The following KCNH4 variants were observed in gnomAD, a reference collection of about 807,000 sequenced individuals.
KCNH4 encodes voltage-gated delayed rectifier potassium channel KCNH4.
Under a neutral mutation model 90.7 loss-of-function variants are expected in KCNH4, and 33 were observed. The observed-to-expected ratio is 0.36, with a 90% confidence interval of 0.28 to 0.49. The LOEUF (loss-of-function observed/expected upper bound fraction) is 0.49, where lower values mean the gene tolerates loss of function less well. Ranked by LOEUF, KCNH4 falls within the 20% of genes least tolerant of loss-of-function variation. The pLI is 0.98. For missense variants in KCNH4, 1,044 were observed against 1,387.1 expected (o/e 0.75, Z 3.93); for synonymous variants, 551 against 581.7 (o/e 0.95, Z 0.76).
intron 5 of KCNH4, 39 bp downstream of exon 5, chr17:42,176,015 C>T (rs200529393): frequency 1.4e-4 from 215 of 1,562,050 alleles, no homozygotes; most frequent in Non-Finnish European, 1.8e-4. Context: ...TGGATCCCCC[C>T]AGCCGACCCA....
At chr17:42,168,202 C>T (rs1237996439) in intron 9 of KCNH4, among the ~76,000 whole-genome samples, 1 of 152,204 alleles carries the variant, frequency 6.6e-6, no homozygotes, top group African/African-American at 2.4e-5. Flanking sequence ...CTGGGTCTCC[C>T]TGAGGGCCAG....
intron 4 of KCNH4, among the ~76,000 whole-genome samples, chr17:42,177,655 G>A (rs934207918): frequency 2.6e-5 from 4 of 152,174 alleles, no homozygotes; most frequent in Non-Finnish European, 4.4e-5. Flanking sequence ...ATAGCCCACC[G>A]CATTCCCTGT....
Position 42,170,121 on chromosome 17 carries a change from G to A in KCNH4, c.1376C>T (p.Thr459Met), listed in dbSNP as rs368992196. The A allele has an allele frequency of 1.7e-4, 281 of 1,609,612 alleles. No homozygotes were observed. The highest frequency in any genetic ancestry group is 2.2e-4 in the East Asian group (10 of 44,796). Reference sequence around the variant, plus strand: ...TCTGGCCTCACCGCCTATGAGCATCGTGCAGATGGAGAAGATCTTCTCCGC... The same window carrying A: ...TCTGGCCTCACCGCCTATGAGCATCATGCAGATGGAGAAGATCTTCTCCGC... Reference protein sequence around the residue: ...TDAEKIFSICTMLIGALMHAV... With the variant: ...TDAEKIFSICMMLIGALMHAV... Residue 459 changes from threonine to methionine, a missense_variant, in exon 8 of 17, where the codon ACG becomes ATG. Around this residue, in one of 4 missense-constraint regions of KCNH4, gnomAD observed 318 missense variants for 479.6 expected, o/e 0.66. Coordinates refer to ENST00000264661, the MANE Select transcript of KCNH4 (RefSeq NM_012285.3).
At position 42,176,053 on chromosome 17, in the gene KCNH4, C is replaced by T; in HGVS notation, c.829+1G>A. The T allele has an allele frequency of 6.2e-7, 1 of 1,600,074 alleles. No homozygotes were observed. The highest frequency in any genetic ancestry group is 8.5e-7 in the Non-Finnish European group (1 of 1,171,066). ...AGGGTGGGTGAGGCAGAAGGTCTGA[C>T]CTAGGATGAAGAGCATTTCCACGGC... On this transcript the variant is annotated splice_donor_variant, in intron 5 of 16. Transcript: ENST00000264661. LOFTEE classifies it high-confidence loss of function.
rs746688693 is a variant in KCNH4, at chr17:42,169,678, T to TGCA, written c.1391-5_1391-3dup. On this transcript the variant is annotated splice_polypyrimidine_tract_variant and splice_region_variant and intron_variant, in intron 8 of 16. Coordinates refer to ENST00000264661, the MANE Select transcript of KCNH4 (RefSeq NM_012285.3). ...CGAACACCACAGCGTGCATCAGGGC[T>TGCA]GCAGCAGCAGCAGCGGGCCTGTCAG... The TGCA allele has an allele frequency of 6.2e-6, 10 of 1,612,044 alleles. No individual in the cohort carries two copies. The highest frequency in any genetic ancestry group is 2.2e-5 in the East Asian group (1 of 44,846).
At chr17:42,173,593 T>C (rs1388125419) in intron 6 of KCNH4, among the ~76,000 whole-genome samples, 2 of 151,692 alleles carry the variant, frequency 1.3e-5, no homozygotes, top group Non-Finnish European at 2.9e-5. Context: ...CCAGTGGTAT[T>C]CCTCATCTCA....
chr17:42,162,767 A>G (rs1185049349), intron 14 of KCNH4, among the ~76,000 whole-genome samples: 1 of 151,572 alleles, frequency 6.6e-6, no homozygotes, highest in African/African-American at 2.4e-5. Flanking sequence ...TAATTTTTGT[A>G]TTTTTAGTAG....
At chr17:42,168,465 G>A (rs755233959) in intron 9 of KCNH4, among the ~76,000 whole-genome samples, 2 of 152,148 alleles carry the variant, frequency 1.3e-5, no homozygotes, top group Non-Finnish European at 2.9e-5. Context: ...CCAACATGGT[G>A]AAACCCCGTC....
chr17:42,176,916 A>C (rs868771445), intron 4 of KCNH4, among the ~76,000 whole-genome samples: 4 of 151,916 alleles, frequency 2.6e-5, no homozygotes, highest in Admixed American at 6.6e-5. Context: ...AAGTTTAGAG[A>C]CAGTCTCACT....
chr17:42,163,653 A>G lies in KCNH4; in HGVS notation c.2430T>C (p.Leu810=). Residue 810 remains leucine (L), a synonymous_variant, in exon 13 of 17, where the codon CTT becomes CTC. Transcript: ENST00000264661. The surrounding 1 kb of genome is among the most constrained non-coding windows in gnomAD (Gnocchi z 5.4). The part of the protein sequence containing the change: ...RCSAAWKPPQ[L]LIPPLGTFGP... ...CAAAGGTTCCCAGTGGGGGAATGAG[A>G]AGCTGAGGGGGCTTCCAGGCAGCAG... 6.6e-7 allele frequency: 1 copy of G among 1,504,346 alleles called. No individual in the cohort carries two copies. Among genetic ancestry groups the G allele is most frequent in the Non-Finnish European group, 8.9e-7 (1 of 1,125,926 alleles). The allele number at this position is 1,504,346 out of a possible 1,614,324, so 93.2% of individuals were successfully genotyped here.
At position 42,163,705 on chromosome 17, in the gene KCNH4, G is replaced by C; in HGVS notation, c.2378C>G (p.Ala793Gly). The part of the protein sequence containing the change: ...SPALAGQGHS[A>G]SPHGPPRCSA... ...GCACCTGGGGGGGCCGTGAGGGGAG[G>C]CACTGTGGCCCTGGCCAGCCAGGGC... Residue 793 changes from alanine to glycine, a missense_variant, in exon 13 of 17, where the codon GCC (alanine) becomes GGC (glycine). Physicochemically the swap from Ala to Gly is moderately conservative, Grantham distance 60. This residue lies in a region of KCNH4 where 441 missense variants were observed against 512.3 expected (regional missense o/e 0.86). Coordinates refer to ENST00000264661, the MANE Select transcript of KCNH4 (RefSeq NM_012285.3). The surrounding 1 kb of genome is among the most constrained non-coding windows in gnomAD (Gnocchi z 5.4). 1 of 1,517,288 alleles carries C rather than the reference G, an allele frequency of 6.6e-7. No homozygotes were observed. Among genetic ancestry groups the C allele is most frequent in the Non-Finnish European group, 8.8e-7 (1 of 1,135,020 alleles). 94.0% of individuals were successfully genotyped at this position (1,517,288 alleles called of 1,614,324 possible).
chr17:42,157,339 C>T (rs369707577), intron 16 of KCNH4, among the ~76,000 whole-genome samples: 2 of 152,088 alleles, frequency 1.3e-5, no homozygotes, highest in South Asian at 2.1e-4. Flanking sequence ...TGAGCCTCCG[C>T]GCCTGGCAGA....
rs754131743 is a variant in KCNH4 at position 42,178,206 on chromosome 17, C to A, written c.479G>T (p.Gly160Val). The A allele has an allele frequency of 1.4e-5, 22 of 1,614,070 alleles. No individual in the cohort carries two copies. The East Asian group carries it at 4.7e-4, about 34-fold the overall frequency. Residue 160 changes from glycine (G) to valine (V), a missense_variant, in exon 4 of 17, where the codon GGA (glycine) becomes GTA (valine). Transcript: ENST00000264661. ...GGCAGACCGAAATTTCCAGGTGGCT[C>A]CCCTTCTACCAAGGGAGTTTTCTGT... ...SNHENSLGRR[G>V]ATWKFRSARR...
Position 42,166,397 on chromosome 17 carries a change from G to T in KCNH4, c.1740C>A (p.Gly580=), listed in dbSNP as rs2079788093. ...CATCCCCACGGCGCAACAGGTACTC[G>T]CCCGGAGCGCAGAACGAGGTCTTGA... ...LHIKTSFCAP[G]EYLLRRGDAL... Residue 580 remains glycine, a synonymous_variant, in exon 10 of 17, where the codon GGC becomes GGA. Coordinates refer to ENST00000264661, the MANE Select transcript of KCNH4 (RefSeq NM_012285.3). 14 of 1,613,952 alleles carry T rather than the reference G, an allele frequency of 8.7e-6. No homozygotes were observed. The highest frequency in any genetic ancestry group is 1.3e-5 in the African/African-American group (1 of 75,016).
At chr17:42,179,091 C>T (rs1281176149) in intron 1 of KCNH4, 65 bp from the exon 2 acceptor site, 1 of 1,210,968 alleles carries the variant, frequency 8.3e-7, no homozygotes, top group African/African-American at 1.5e-5. Context: ...AGGTGGGCAG[C>T]ACTTCCTCTA....
At chr17:42,167,947 G>A (rs578049816) in intron 9 of KCNH4, among the ~76,000 whole-genome samples, 8 of 152,156 alleles carry the variant, frequency 5.3e-5, no homozygotes, top group East Asian at 3.9e-4. Context: ...TTCTCCCTCC[G>A]CAGCACTCAC....
rs1301816479 is a variant in KCNH4, at chr17:42,178,868, C to CT, written c.234dup (p.Ala79SerfsTer18). On this transcript the variant is annotated frameshift_variant, in exon 2 of 17. Transcript: ENST00000264661. LOFTEE classifies it high-confidence loss of function. The stretch of plus-strand genomic sequence containing the variant: ...AGGGCTTTGTGCAGACGCTGCAGGG[C>CT]TGGCTCACTGGTCTCTGGGCCGTAG... The CT allele has an allele frequency of 6.2e-7, 1 of 1,614,202 alleles. No individual in the cohort carries two copies. Among genetic ancestry groups the CT allele is most frequent in the Non-Finnish European group, 8.5e-7 (1 of 1,180,044 alleles).
intron 16 of KCNH4, among the ~76,000 whole-genome samples, chr17:42,157,910 C>T (rs1372069914): frequency 1.3e-5 from 2 of 151,794 alleles, no homozygotes; most frequent in Non-Finnish European, 2.9e-5. Context: ...CACCACTACA[C>T]CTGGCTAATT....
chr17:42,165,347 T>G, intron 11 of KCNH4, 102 bp downstream of exon 11: 1 of 1,441,052 alleles, frequency 6.9e-7, no homozygotes, highest in Non-Finnish European at 9.6e-7. Context: ...TTCAGGCATG[T>G]GTTTTTAGGG....
Sources: gnomAD v4.1 joint callset for allele counts (sites outside exome capture counted in the v4.1 genomes callset) on GRCh38, gnomAD v4.1.1 for gene constraint, gnomAD v4.1.1 regional missense constraint, Gnocchi (gnomAD v3.1) non-coding constraint, MANE v1.5 for transcripts, NCBI Gene and HGNC (gene_info 2026-07-23, HGNC 2026-07-21) for gene names.